Variants in AKT1 observed in about 807,000 individuals in gnomAD.
The protein encoded by AKT1 is RAC-alpha serine/threonine-protein kinase.
Under a neutral mutation model 63.1 loss-of-function variants are expected in AKT1, and 21 were observed. The observed-to-expected ratio is 0.33, with a 90% CI of 0.24 to 0.48. AKT1 has a LOEUF of 0.48. Ranked by LOEUF, AKT1 falls within the 20% of genes least tolerant of loss-of-function variation. The probability of loss-of-function intolerance (pLI) is 0.99; values close to 1 mark genes in which losing one functional copy is unlikely to be tolerated. For missense variants in AKT1, 382 were observed against 666.0 expected, an observed-to-expected ratio of 0.57 and a Z score of 4.69; for synonymous variants, 257 against 253.1, an observed-to-expected ratio of 1.02 and a Z score of -0.15.
At position 104,772,532 on chromosome 14, in the gene AKT1, G is replaced by T; in HGVS notation, c.1173-80C>A. ...GGTTCAGGCCCCTTCCTCCTGTGAT[G>T]TAGGGCCCGCCAGACAGGACGTTCC... On this transcript the variant is annotated intron_variant, in intron 12 of 14. Coordinates refer to ENST00000649815, the MANE Select transcript of AKT1 (RefSeq NM_001382430.1). The T allele has an allele frequency of 2.1e-6, 3 of 1,422,120 alleles. No homozygotes were observed. The South Asian group carries it at 3.5e-5, about 17-fold the overall frequency. 88.1% of individuals were successfully genotyped at this position (1,422,120 alleles called of 1,614,324 possible).
chr14:104,769,684 A>G lies in AKT1; in HGVS notation c.*657T>C. On this transcript the variant is annotated 3_prime_UTR_variant, in exon 15 of 15. Transcript: ENST00000649815. ...CCTGTCACAAAGATTAAAAACCCCCAAAATGCATTTGAACAACATAATACA... is the reference window on the plus strand; with the variant it reads ...CCTGTCACAAAGATTAAAAACCCCCGAAATGCATTTGAACAACATAATACA... 1 of 465,810 alleles carries G rather than the reference A, an allele frequency of 2.1e-6. No homozygotes were observed. The highest frequency in any genetic ancestry group is 1.8e-5 in the South Asian group (1 of 56,338). The allele number at this position is 465,810 out of a possible 1,614,324, so 28.9% of individuals were successfully genotyped here.
In AKT1 at chr14:104,773,520, C is replaced by T. The variant is rs375395037; in HGVS notation, c.763G>A (p.Ala255Thr). The T allele has an allele frequency of 9.9e-6, 16 of 1,613,272 alleles. No individual in the cohort carries two copies. Among genetic ancestry groups the T allele is most frequent in the African/African-American group, 1.3e-5 (1 of 74,908 alleles). The change falls in exon 10 of 15, where the codon GCT (alanine) becomes ACT (threonine). Residue 255 changes from alanine (A) to threonine (T), a missense_variant. Around this residue, in one of 3 missense-constraint regions of AKT1, gnomAD observed 226 missense variants for 366.4 expected, o/e 0.62. Transcript: ENST00000649815. The stretch of plus-strand genomic sequence containing the variant: ...TAGTCCAGGGCTGACACAATCTCAG[C>T]GCCATAGAAGCGGGCCCGGTCCTCG... Reference protein sequence around the residue: ...FSEDRARFYGAEIVSALDYLH... With the variant: ...FSEDRARFYGTEIVSALDYLH...
chr14:104,779,076 T>C (rs988581556), intron 4 of AKT1, among the ~76,000 whole-genome samples: 5 of 152,212 alleles, frequency 3.3e-5, no homozygotes, highest in African/African-American at 4.8e-5. Flanking sequence ...GGGACCATGC[T>C]GGGAGGCCCA....
Position 104,773,239 on chromosome 14 carries a change from T to C in AKT1, c.957+12A>G. ...ACGCAGCAACGCGTATGCACGCAGG[T>C]GGGGCGCACACCTCGGGGGCCAGGT... On this transcript the variant is annotated intron_variant, in intron 11 of 14. Transcript: ENST00000649815. 1.2e-6 allele frequency: 2 copies of C among 1,614,092 alleles called. No individual in the cohort carries two copies. Among genetic ancestry groups the C allele is most frequent in the South Asian group, 1.1e-5 (1 of 91,080 alleles).
At position 104,773,075 on chromosome 14, in the gene AKT1, G is replaced by A. The variant is rs1459853850; in HGVS notation, c.975C>T (p.Asp325=). The change falls in exon 12 of 15, where the codon GAC becomes GAT. Residue 325 remains aspartate, a synonymous_variant. Coordinates refer to ENST00000649815, the MANE Select transcript of AKT1 (RefSeq NM_001382430.1). ...YLAPEVLEDN[D]YGRAVDWWGL... ...CCCACCAGTCCACTGCACGGCCGTA[G>A]TCATTGTCCTCCAGCACCTGCACGG... 1 of 1,614,084 alleles carries A rather than the reference G, an allele frequency of 6.2e-7. No individual in the cohort carries two copies. Among genetic ancestry groups the A allele is most frequent in the Admixed American group, 1.7e-5 (1 of 60,026 alleles).
At chr14:104,771,755 G>A (rs1488983995) in intron 13 of AKT1, 4 of 236,292 alleles carry the variant, frequency 1.7e-5, no homozygotes, top group Non-Finnish European at 2.5e-5. Flanking sequence ...TCAGAGTGCA[G>A]GCTTCCGAAC....
intron 3 of AKT1, among the ~76,000 whole-genome samples, chr14:104,782,254 CT>C (rs1893096274): frequency 6.6e-6 from 1 of 152,126 alleles, no homozygotes; most frequent in Non-Finnish European, 1.5e-5. Flanking sequence ...CTGTCGGCCC[CT>C]GATGGAGTGC....
chr14:104,774,967 G>T lies in AKT1; in HGVS notation c.604C>A (p.Leu202Met). ...VAHTLTENRV[L>M]QNSRHPFLTA... Reference sequence around the variant, plus strand: ...AGGAAGGGGTGCCTGGAGTTCTGCAGGACGCGGTTCTCGGTGAGTGTGTGG... The same window carrying T: ...AGGAAGGGGTGCCTGGAGTTCTGCATGACGCGGTTCTCGGTGAGTGTGTGG... The change falls in exon 8 of 15, where the codon CTG (leucine) becomes ATG (methionine). Residue 202 changes from leucine (L) to methionine (M), a missense_variant. Physicochemically the swap from Leu to Met is conservative, Grantham distance 15 (BLOSUM62 2). Coordinates refer to ENST00000649815, the MANE Select transcript of AKT1 (RefSeq NM_001382430.1). 6.2e-7 allele frequency: 1 copy of T among 1,612,822 alleles called. No homozygotes were observed. The highest frequency in any genetic ancestry group is 8.5e-7 in the Non-Finnish European group (1 of 1,179,846).
chr14:104,795,687 G>C lies in AKT1; in HGVS notation c.-461C>G, dbSNP rs1376852092. 1.1e-3 allele frequency: 1 copy of C among 914 alleles called. No homozygotes were observed. The highest frequency in any genetic ancestry group is 8.1e-3 in the Non-Finnish European group (1 of 124). 0.1% of individuals were successfully genotyped at this position (914 alleles called of 1,614,324 possible). A position where few individuals can be genotyped will look rare whatever the true frequency, so the allele number is the denominator to read the frequency against. On this transcript the variant is annotated 5_prime_UTR_variant, in exon 1 of 15. Transcript: ENST00000649815. This position sits in a 1 kb window ranked among gnomAD's most constrained non-coding sequence, Gnocchi z 5.1. ...GCTCGGTGCTCGGCCGCCTGCTCCC[G>C]TCTTCGGGCCGCGCTGCGTGCGCTG...
intron 3 of AKT1, among the ~76,000 whole-genome samples, chr14:104,790,925 C>T (rs1223520923): frequency 1.3e-5 from 2 of 152,190 alleles, no homozygotes; most frequent in Admixed American, 6.5e-5. Context: ...AGGGTCATGG[C>T]GATAGAGTGG....
intron 3 of AKT1, among the ~76,000 whole-genome samples, chr14:104,781,566 C>G (rs1011098931): frequency 6.6e-6 from 1 of 151,668 alleles, no homozygotes; most frequent in East Asian, 1.9e-4. Flanking sequence ...CACCAAGGCT[C>G]GACACATGGC....
chr14:104,774,682 CGGCAGAGTGCAAGGAA>C, intron 8 of AKT1: 1 of 521,756 alleles, frequency 1.9e-6, no homozygotes, highest in Non-Finnish European at 3.4e-6. Context: ...CCTGGAGCCT[CGGCAGAGTGCAAGGAA>C]GACCAGGGCC....
In AKT1 at chr14:104,775,071, C is replaced by T; in HGVS notation, c.567+5G>A. The T allele has an allele frequency of 6.2e-7, 1 of 1,613,924 alleles. No individual in the cohort carries two copies. The highest frequency in any genetic ancestry group is 8.5e-7 in the Non-Finnish European group (1 of 1,180,008). The stretch of plus-strand genomic sequence containing the variant: ...CTCCACCCTGCCCCACCGCCCCGGC[C>T]CCACCTTGGCCACGATGACTTCCTT... On this transcript the variant is annotated splice_donor_5th_base_variant and intron_variant, in intron 7 of 14. Transcript: ENST00000649815.
chr14:104,775,380 A>G (rs575223173), intron 6 of AKT1, 173 bp from the exon 7 acceptor site: 12 of 1,260,236 alleles, frequency 9.5e-6, no homozygotes, highest in South Asian at 6.0e-5. Flanking sequence ...CAGGGAACAC[A>G]TGGCTGCGGC....
chr14:104,786,818 C>T (rs1893356842), intron 3 of AKT1, among the ~76,000 whole-genome samples: 1 of 152,126 alleles, frequency 6.6e-6, no homozygotes, highest in Non-Finnish European at 1.5e-5. Flanking sequence ...TGCAGCTCAG[C>T]GTCTCCGCGC....
chr14:104,790,237 C>T (rs550781908), intron 3 of AKT1, among the ~76,000 whole-genome samples: 56 of 152,328 alleles, frequency 3.7e-4, no homozygotes, highest in African/African-American at 1.3e-3. Flanking sequence ...AGGTGCGGGC[C>T]AGCCTCTGAG....
Position 104,773,470 on chromosome 14 carries a change from C to T in AKT1, c.813G>A (p.Val271=), listed in dbSNP as rs1467679399. 3.1e-6 allele frequency: 5 copies of T among 1,613,996 alleles called. No homozygotes were observed. Among genetic ancestry groups the T allele is most frequent in the Middle Eastern group, 1.6e-4 (1 of 6,062 alleles). The change falls in exon 10 of 15, where the codon GTG becomes GTA. Residue 271 remains valine, a synonymous_variant. Transcript: ENST00000649815. ...GCCAGCGCACCTTGAGGTCCCGGTACACCACGTTCTTCTCCGAGTGCAGGT... is the reference window on the plus strand; with the variant it reads ...GCCAGCGCACCTTGAGGTCCCGGTATACCACGTTCTTCTCCGAGTGCAGGT... The part of the protein sequence containing the change: ...LDYLHSEKNV[V]YRDLKLENLM...
At position 104,793,139 on chromosome 14, in the gene AKT1, C is replaced by T. The variant is rs541421272; in HGVS notation, c.-92G>A. On this transcript the variant is annotated 5_prime_UTR_variant, in exon 2 of 15. Transcript: ENST00000649815. ...CAGCCTCCCTAACCTGATGCACCAG[C>T]TGACAGGCTGCCTCCTCCAGGCAGC... is the stretch of plus-strand genomic sequence containing the variant. The T allele has an allele frequency of 1.5e-5, 3 of 197,320 alleles. No individual in the cohort carries two copies. The highest frequency in any genetic ancestry group is 5.5e-5 in the Admixed American group (1 of 18,038). 12.2% of individuals were successfully genotyped at this position (197,320 alleles called of 1,614,324 possible).
rs557573150 is a variant in AKT1, at chr14:104,774,240, A to G, written c.634-260T>C. On this transcript the variant is annotated intron_variant, in intron 8 of 14. Coordinates refer to ENST00000649815, the MANE Select transcript of AKT1 (RefSeq NM_001382430.1). Reference sequence around the variant, plus strand: ...CCCATGCCACGCTGCCCCACACCACACTGCCCCACACCACACTGCCTCATG... The same window carrying G: ...CCCATGCCACGCTGCCCCACACCACGCTGCCCCACACCACACTGCCTCATG... 3.2e-4 allele frequency: 155 copies of G among 489,218 alleles called. 2 individuals carry two copies. The highest frequency in any genetic ancestry group is 1.8e-3 in the Middle Eastern group (3 of 1,686). The allele number at this position is 489,218 out of a possible 1,614,324, so 30.3% of individuals were successfully genotyped here.
Sources: gnomAD v4.1 joint callset for allele counts (sites outside exome capture counted in the v4.1 genomes callset) on GRCh38, gnomAD v4.1.1 for gene constraint, gnomAD v4.1.1 regional missense constraint, Gnocchi (gnomAD v3.1) non-coding constraint, MANE v1.5 for transcripts, NCBI Gene and HGNC (gene_info 2026-07-23, HGNC 2026-07-21) for gene names.